The following KATNAL2 variants were observed in gnomAD, a reference collection of about 807,000 sequenced individuals.
KATNAL2 encodes katanin catalytic subunit A1 like 2.
A neutral mutation model predicts 76.3 loss-of-function variants in KATNAL2; 52 were observed. The observed-to-expected ratio is 0.68, with a 90% CI of 0.55 to 0.86. The LOEUF (loss-of-function observed/expected upper bound fraction) is 0.86, where lower values mean the gene tolerates loss of function less well. Ranked by LOEUF, KATNAL2 falls within the 40% of genes least tolerant of loss-of-function variation. KATNAL2 has a pLI of 0.00. For missense variants in KATNAL2, 660 were observed against 668.9 expected, an observed-to-expected ratio of 0.99 and a Z score of 0.15; for synonymous variants, 243 against 244.2, an observed-to-expected ratio of 1.00 and a Z score of 0.05.
rs767813545 is a variant in KATNAL2 at position 47,032,994 on chromosome 18, G to A, written c.52-13463G>A. On this transcript the variant is annotated intron_variant, in intron 3 of 17. Transcript: ENST00000683218. ...CCCCCAGATTTTATCTGCAAGGCAA[G>A]TCCTGAGTTTATCGTCGGGAGAATC... The A allele has an allele frequency of 3.1e-6, 5 of 1,613,958 alleles. No homozygotes were observed. In the African/African-American group the frequency reaches 6.7e-5, roughly 22 times the overall value.
chr18:47,034,752 A>C, intron 3 of KATNAL2: 2 of 1,612,772 alleles, frequency 1.2e-6, no homozygotes, highest in Non-Finnish European at 1.7e-6. Flanking sequence ...TGCGCGTTGG[A>C]GAGGCCCGAT....
At chr18:46,928,082 A>G (rs1299623808) in intron 1 of KATNAL2, among the ~76,000 whole-genome samples, 1 of 151,710 alleles carries the variant, frequency 6.6e-6, no homozygotes, top group Non-Finnish European at 1.5e-5. Flanking sequence ...TCTTCTCTCA[A>G]CTCGTCAAAG....
At chr18:47,071,954 T>A (rs1379069160) in intron 13 of KATNAL2, among the ~76,000 whole-genome samples, 6 of 12,856 alleles carry the variant, frequency 4.7e-4, no homozygotes, top group Non-Finnish European at 3.5e-4. Context: ...CAATTTCTTC[T>A]TTTTTTTTTT....
rs1056554437 is a variant in KATNAL2, at chr18:46,941,084, G to A, written c.-509-4973G>A. Among the ~76,000 whole-genome samples the A allele has an allele frequency of 3.9e-5, 6 of 152,140 alleles. No individual in the cohort carries two copies. In the East Asian group the frequency reaches 1.2e-3, roughly 29 times the overall value. On this transcript the variant is annotated intron_variant, in intron 1 of 17. Coordinates refer to ENST00000683218, the MANE Select transcript of KATNAL2 (RefSeq NM_001387690.1). ...AACACTCAGAATCCCAGCGTTTTGG[G>A]ATGCCAAAGCGGGTGGATTACCTGG...
intron 15 of KATNAL2, among the ~76,000 whole-genome samples, chr18:47,095,844 A>G (rs1309662463): frequency 6.6e-6 from 1 of 152,208 alleles, no homozygotes; most frequent in Non-Finnish European, 1.5e-5. Context: ...ATCTGAAGCA[A>G]AGATGAGCAC....
rs1259956664 is a variant in KATNAL2 at position 47,101,425 on chromosome 18, C to A, written c.*420C>A. On this transcript the variant is annotated 3_prime_UTR_variant, in exon 18 of 18. Coordinates refer to ENST00000683218, the MANE Select transcript of KATNAL2 (RefSeq NM_001387690.1). ...GCTAAGCTTGACAGGCACTGCCCAG[C>A]TGACAGTCCCAGGGTGAAGGAGGAC... 5.4e-6 allele frequency: 1 copy of A among 185,128 alleles called. No homozygotes were observed. Among genetic ancestry groups the A allele is most frequent in the Non-Finnish European group, 1.2e-5 (1 of 86,642 alleles). 11.5% of individuals were successfully genotyped at this position (185,128 alleles called of 1,614,324 possible).
chr18:47,061,668 C>A (rs931903180), intron 8 of KATNAL2, among the ~76,000 whole-genome samples: 1 of 152,142 alleles, frequency 6.6e-6, no homozygotes, highest in African/African-American at 2.4e-5. Flanking sequence ...AGATTCAAAA[C>A]CTGGCTCAGA....
chr18:46,932,444 G>A (rs1300343014), intron 1 of KATNAL2, among the ~76,000 whole-genome samples: 2 of 151,820 alleles, frequency 1.3e-5, no homozygotes, highest in South Asian at 2.1e-4. Flanking sequence ...GGAGACCAAG[G>A]CGAGTGGATT....
rs2061414020 is a variant in KATNAL2 at position 47,054,331 on chromosome 18, G to A, written c.290-65G>A. Reference sequence around the variant, plus strand: ...CAATGCAAAAAGGGGAAACATACCTGAAAAAAATCACTTTGTCACTCTTAA... The same window carrying A: ...CAATGCAAAAAGGGGAAACATACCTAAAAAAAATCACTTTGTCACTCTTAA... On this transcript the variant is annotated intron_variant, in intron 5 of 17. Transcript: ENST00000683218. The A allele has an allele frequency of 5.5e-6, 8 of 1,443,228 alleles. No individual in the cohort carries two copies. In the East Asian group the frequency reaches 9.1e-5, roughly 16 times the overall value. The allele number at this position is 1,443,228 out of a possible 1,614,324, so 89.4% of individuals were successfully genotyped here. A position where few individuals can be genotyped will look rare whatever the true frequency, so the allele number is the denominator to read the frequency against.
chr18:46,958,732 C>G (rs909272475), intron 3 of KATNAL2, among the ~76,000 whole-genome samples: 2 of 152,182 alleles, frequency 1.3e-5, no homozygotes, highest in Admixed American at 1.3e-4. Flanking sequence ...CTCTATAATG[C>G]TCTAAGGCCA....
rs116364848 is a variant in KATNAL2 at position 46,953,418 on chromosome 18, G to A, written c.51+6495G>A. 3.7e-3 allele frequency among the ~76,000 whole-genome samples: 561 copies of A among 152,268 alleles called. 2 individuals are homozygous for A. The highest frequency in any genetic ancestry group is 0.013 in the African/African-American group (533 of 41,558). On this transcript the variant is annotated intron_variant, in intron 3 of 17. Transcript: ENST00000683218. ...ACTTTGGGAGGCCAAGGCAGGCGGA[G>A]CGCTTGAGGCCAGAGGTCGAGACCA...
chr18:46,934,198 T>G (rs1430385038), intron 1 of KATNAL2, among the ~76,000 whole-genome samples: 2 of 152,166 alleles, frequency 1.3e-5, no homozygotes, highest in Non-Finnish European at 2.9e-5. Context: ...GTATTTCTAG[T>G]TCTAGATCTC....
chr18:47,071,612 G>A (rs2062003691), intron 13 of KATNAL2, among the ~76,000 whole-genome samples: 1 of 151,876 alleles, frequency 6.6e-6, no homozygotes. Context: ...GTGGTGTTTG[G>A]AACCACGAGC....
chr18:47,049,925 A>C (rs1028057110), intron 4 of KATNAL2, among the ~76,000 whole-genome samples: 1 of 152,160 alleles, frequency 6.6e-6, no homozygotes, highest in African/African-American at 2.4e-5. Flanking sequence ...TAAAGATGGA[A>C]TCTCGCTATG....
At chr18:47,084,162 C>G (rs542812343) in intron 15 of KATNAL2, among the ~76,000 whole-genome samples, 1 of 152,158 alleles carries the variant, frequency 6.6e-6, no homozygotes, top group Admixed American at 6.5e-5. Flanking sequence ...CTTCTTTTTT[C>G]AGCCAAATTT....
intron 3 of KATNAL2, chr18:47,034,960 G>A: frequency 6.2e-7 from 1 of 1,611,768 alleles, no homozygotes; most frequent in South Asian, 1.1e-5. Context: ...GTCCTGAAGA[G>A]CCTCCCCGAA....
At chr18:46,956,496 G>C (rs567320776) in intron 3 of KATNAL2, among the ~76,000 whole-genome samples, 1 of 152,138 alleles carries the variant, frequency 6.6e-6, no homozygotes, top group East Asian at 1.9e-4. Context: ...TGTCTTTTCT[G>C]ACCAGCCCCT....
chr18:46,932,676 A>G (rs2058967582), intron 1 of KATNAL2, among the ~76,000 whole-genome samples: 1 of 143,522 alleles, frequency 7.0e-6, no homozygotes, highest in South Asian at 2.2e-4. Flanking sequence ...TCTGTCTCAA[A>G]AAAAAAAAAA....
chr18:47,066,384 G>T (rs1460838126), intron 10 of KATNAL2, among the ~76,000 whole-genome samples: 4 of 152,154 alleles, frequency 2.6e-5, no homozygotes, highest in South Asian at 2.1e-4. Flanking sequence ...CTAGATGGTT[G>T]CTACAGGGCT....
Sources: gnomAD v4.1 joint callset for allele counts (sites outside exome capture counted in the v4.1 genomes callset) on GRCh38, gnomAD v4.1.1 for gene constraint, MANE v1.5 for transcripts, NCBI Gene and HGNC (gene_info 2026-07-23, HGNC 2026-07-21) for gene names.